Variants in DLGAP2 observed in about 807,000 individuals in gnomAD.
The protein encoded by DLGAP2 is disks large-associated protein 2.
DLGAP2 carries 26 observed loss-of-function variants against 100.3 expected under a neutral mutation model. The observed-to-expected ratio is 0.26, with a 90% CI of 0.19 to 0.36. DLGAP2 has a LOEUF of 0.36. DLGAP2 is among the 10% of genes least tolerant of loss of function. DLGAP2 has a pLI of 1.00. For missense variants in DLGAP2, 1,858 were observed against 1,453.2 expected (o/e 1.28, Z -4.53); for synonymous variants, 886 against 630.1 (o/e 1.41, Z -6.08).
At chr8:1,688,087 A>C (rs1354168628) in intron 12 of DLGAP2, among the ~76,000 whole-genome samples, 2 of 152,054 alleles carry the variant, frequency 1.3e-5, no homozygotes, top group Non-Finnish European at 1.5e-5. Flanking sequence ...GAAACCACTC[A>C]AACCCCACCG....
intron 1 of DLGAP2, among the ~76,000 whole-genome samples, chr8:906,520 A>G (rs1310677397): frequency 1.3e-5 from 2 of 152,194 alleles, no homozygotes; most frequent in Non-Finnish European, 2.9e-5. Context: ...GAAGGCGTCA[A>G]ACCCCGGGAG....
At chr8:875,364 A>T (rs1029137190) in intron 1 of DLGAP2, among the ~76,000 whole-genome samples, 1 of 152,116 alleles carries the variant, frequency 6.6e-6, no homozygotes, top group African/African-American at 2.4e-5. Context: ...GGTTCCCATA[A>T]TCCCCACGTG....
intron 3 of DLGAP2, among the ~76,000 whole-genome samples, chr8:1,367,743 C>A (rs987272642): frequency 6.6e-6 from 1 of 152,162 alleles, no homozygotes; most frequent in African/African-American, 2.4e-5. Context: ...TATTGCAGCA[C>A]GTCCTTCACT....
chr8:941,457 G>C (rs972365133), intron 2 of DLGAP2, among the ~76,000 whole-genome samples: 2 of 151,244 alleles, frequency 1.3e-5, no homozygotes, highest in South Asian at 4.1e-4. Flanking sequence ...CTGGAAACCC[G>C]TCAGACTCTA....
At position 1,492,769 on chromosome 8, in the gene DLGAP2, G is replaced by A. The variant is rs907133034; in HGVS notation, c.107-8597G>A. Reference sequence around the variant, plus strand: ...CTCATGGCGACGCAGCCGATTTTGCGTGAAGACCTGTGTGCTACCCATGGG... The same window carrying A: ...CTCATGGCGACGCAGCCGATTTTGCATGAAGACCTGTGTGCTACCCATGGG... On this transcript the variant is annotated intron_variant, in intron 3 of 14. Transcript: ENST00000637795. Among the ~76,000 whole-genome samples the A allele has an allele frequency of 1.8e-4, 28 of 152,298 alleles. 1 individual carries two copies. The highest frequency in any genetic ancestry group is 1.2e-3 in the Admixed American group (19 of 15,304).
chr8:1,697,457 CAT>C (rs1491304998), intron 14 of DLGAP2, among the ~76,000 whole-genome samples, 158 bp downstream of exon 14: 2 of 152,168 alleles, frequency 1.3e-5, no homozygotes, highest in Non-Finnish European at 1.5e-5. Context: ...TGTATACGCA[CAT>C]GTGTGTGCGT....
In DLGAP2 at chr8:1,234,165, G is replaced by A. The variant is rs375484777; in HGVS notation, c.74-24686G>A. 1.1e-3 allele frequency among the ~76,000 whole-genome samples: 167 copies of A among 152,338 alleles called. 1 individual carries two copies. The highest frequency in any genetic ancestry group is 6.8e-3 in the South Asian group (33 of 4,822). On this transcript the variant is annotated intron_variant, in intron 2 of 14. Coordinates refer to ENST00000637795, the MANE Select transcript of DLGAP2 (RefSeq NM_001346810.2). ...GCTTCTCCTGTCCTCCCTCGAAAGC[G>A]GAAAGTCCTGTGCGGCTGTTGTCGT...
chr8:1,458,370 A>C (rs1233654145), intron 3 of DLGAP2, among the ~76,000 whole-genome samples: 1 of 152,106 alleles, frequency 6.6e-6, no homozygotes, highest in Non-Finnish European at 1.5e-5. Flanking sequence ...ACTGTGTTTT[A>C]TGCCTTCAGG....
intron 2 of DLGAP2, among the ~76,000 whole-genome samples, chr8:1,192,838 A>G (rs1797669612): frequency 6.6e-6 from 1 of 150,952 alleles, no homozygotes; most frequent in African/African-American, 2.4e-5. Flanking sequence ...CCACCCCACA[A>G]CAGGCCCTGG....
At chr8:889,200 A>G (rs1377971629) in intron 1 of DLGAP2, among the ~76,000 whole-genome samples, 1 of 152,208 alleles carries the variant, frequency 6.6e-6, no homozygotes, top group Non-Finnish European at 1.5e-5. Context: ...GTGAAATGTC[A>G]TCAGTTAAGG....
intron 3 of DLGAP2, among the ~76,000 whole-genome samples, chr8:1,307,611 C>T (rs958161890): frequency 3.9e-5 from 6 of 152,108 alleles, no homozygotes; most frequent in African/African-American, 1.4e-4. Context: ...GGAAGCAGCC[C>T]ACGTGTGCAA....
At chr8:1,175,011 G>A (rs1322169904) in intron 2 of DLGAP2, among the ~76,000 whole-genome samples, 2 of 152,114 alleles carry the variant, frequency 1.3e-5, no homozygotes, top group Non-Finnish European at 2.9e-5. Flanking sequence ...CCCTATAAAA[G>A]TAGTCAGATG....
At chr8:1,062,037 A>G (rs934763398) in intron 2 of DLGAP2, among the ~76,000 whole-genome samples, 4 of 140,236 alleles carry the variant, frequency 2.9e-5, no homozygotes, top group African/African-American at 7.5e-5. Context: ...GATTATAGAC[A>G]TTTATCTGAA....
At chr8:1,333,713 T>A (rs1801209691) in intron 3 of DLGAP2, among the ~76,000 whole-genome samples, 1 of 152,208 alleles carries the variant, frequency 6.6e-6, no homozygotes, top group East Asian at 1.9e-4. Flanking sequence ...GTGAGACTCG[T>A]CTCAAATTCA....
chr8:1,309,553 A>G (rs1196642016), intron 3 of DLGAP2, among the ~76,000 whole-genome samples: 1 of 152,216 alleles, frequency 6.6e-6, no homozygotes, highest in Non-Finnish European at 1.5e-5. Context: ...GATAAACGGA[A>G]CTTGAGACTT....
At chr8:1,162,933 G>T (rs1299407731) in intron 2 of DLGAP2, among the ~76,000 whole-genome samples, 1 of 152,226 alleles carries the variant, frequency 6.6e-6, no homozygotes, top group Non-Finnish European at 1.5e-5. Context: ...CTCAGCTGAG[G>T]GGGCTGCCAT....
chr8:1,455,435 G>T (rs1403347049), intron 3 of DLGAP2, among the ~76,000 whole-genome samples: 1 of 152,248 alleles, frequency 6.6e-6, no homozygotes, highest in Non-Finnish European at 1.5e-5. Flanking sequence ...TCAGCTGTCG[G>T]GGAGAGAGCT....
At chr8:1,319,484 T>C (rs534202670) in intron 3 of DLGAP2, among the ~76,000 whole-genome samples, 1 of 152,120 alleles carries the variant, frequency 6.6e-6, no homozygotes, top group Non-Finnish European at 1.5e-5. Flanking sequence ...TTGGAGTGGG[T>C]GTGGAGGCAG....
At chr8:1,626,954 G>T (rs138985315) in intron 7 of DLGAP2, 67 bp downstream of exon 7, 1 of 1,521,316 alleles carries the variant, frequency 6.6e-7, no homozygotes, top group Admixed American at 2.0e-5. Context: ...CGGAGGCCCC[G>T]GCCGCATAGG....
Sources: allele counts gnomAD v4.1 joint callset (sites outside exome capture counted in the v4.1 genomes callset), GRCh38; gene constraint gnomAD v4.1.1; transcripts MANE v1.5; gene names NCBI Gene and HGNC (gene_info 2026-07-23, HGNC 2026-07-21).